The following ORC5 variants were observed in gnomAD, a reference collection of about 807,000 sequenced individuals.
ORC5 encodes origin recognition complex subunit 5, also known as protein phosphatase 1, regulatory subunit 117.
In ORC5, 39 loss-of-function variants were observed where a neutral mutation model predicts 58.8. The ratio of observed to expected loss-of-function variants is 0.66; its 90% CI spans 0.51 to 0.87. ORC5 has a LOEUF of 0.87. ORC5 is among the 40% of genes least tolerant of loss of function. The pLI is 0.00. For synonymous variants in ORC5, 218 were observed against 177.6 expected, an observed-to-expected ratio of 1.23 and a Z score of -1.81; for missense variants, 493 against 506.3, an observed-to-expected ratio of 0.97 and a Z score of 0.25.
intron 4 of ORC5, among the ~76,000 whole-genome samples, chr7:104,196,315 G>A (rs557685863): frequency 1.1e-3 from 167 of 152,184 alleles, no homozygotes; most frequent in African/African-American, 3.8e-3. Flanking sequence ...ATGAGTATGC[G>A]AAAACCCACA....
intron 8 of ORC5, among the ~76,000 whole-genome samples, chr7:104,182,461 T>A (rs1169925753): frequency 6.6e-6 from 1 of 152,092 alleles, no homozygotes; most frequent in African/African-American, 2.4e-5. Flanking sequence ...ACCTAAAAGA[T>A]TCTTTAGTCC....
rs965403836 is a variant in ORC5, at chr7:104,166,838, G to A, written c.924C>T (p.Phe308=). The change falls in exon 10 of 14, where the codon TTC becomes TTT. Residue 308 remains phenylalanine, a synonymous_variant. Transcript: ENST00000297431. ...AAGCAAGGTATGCAGCAATTAGAAT[G>A]AACTTAGAGTAATATGGAAGTTCCA... ...THVELPYYSK[F]ILIAAYLASY... is the part of the protein sequence containing the mutation. 4 of 1,612,784 alleles carry A rather than the reference G, an allele frequency of 2.5e-6. No homozygotes were observed. The highest frequency in any genetic ancestry group is 3.4e-6 in the Non-Finnish European group (4 of 1,179,042).
chr7:104,204,325 G>T, intron 1 of ORC5, 91 bp from the exon 2 acceptor site: 1 of 749,152 alleles, frequency 1.3e-6, no homozygotes, highest in Non-Finnish European at 2.3e-6. Flanking sequence ...GTGGAAAAGT[G>T]AAATATTCAA....
chr7:104,198,339 G>A (rs531475224), intron 3 of ORC5, among the ~76,000 whole-genome samples: 1 of 152,360 alleles, frequency 6.6e-6, no homozygotes, highest in South Asian at 2.1e-4. Context: ...AATGTTGATA[G>A]TGATATGGAC....
At chr7:104,165,985 G>T (rs1464336156) in intron 10 of ORC5, among the ~76,000 whole-genome samples, 1 of 151,996 alleles carries the variant, frequency 6.6e-6, no homozygotes, top group Non-Finnish European at 1.5e-5. Flanking sequence ...AGTGAGCCAA[G>T]ATCACACCAC....
chr7:104,145,630 T>G (rs547178768), intron 12 of ORC5, among the ~76,000 whole-genome samples: 1 of 151,930 alleles, frequency 6.6e-6, no homozygotes, highest in South Asian at 2.1e-4. Flanking sequence ...ACAGGATGCA[T>G]AGATTCATAT....
intron 8 of ORC5, among the ~76,000 whole-genome samples, chr7:104,183,224 C>G (rs1461484443): frequency 2.7e-5 from 4 of 150,612 alleles, no homozygotes; most frequent in Non-Finnish European, 4.4e-5. Context: ...ATGGAACACA[C>G]AAAATTAACT....
At chr7:104,154,059 A>C (rs562952925) in intron 12 of ORC5, among the ~76,000 whole-genome samples, 1 of 152,234 alleles carries the variant, frequency 6.6e-6, no homozygotes, top group African/African-American at 2.4e-5. Context: ...ATGTATATTA[A>C]AAAAGGACAT....
At chr7:104,137,702 G>A (rs940113227) in intron 12 of ORC5, among the ~76,000 whole-genome samples, 7 of 151,898 alleles carry the variant, frequency 4.6e-5, no homozygotes, top group Admixed American at 6.6e-5. Context: ...GGCCACCTAC[G>A]GTGGGACAAC....
intron 8 of ORC5, among the ~76,000 whole-genome samples, chr7:104,179,259 A>C (rs1037693809): frequency 5.9e-5 from 9 of 152,162 alleles, no homozygotes; most frequent in African/African-American, 1.9e-4. Context: ...AAAAAAAAGG[A>C]TAAATTTGAG....
intron 2 of ORC5, among the ~76,000 whole-genome samples, chr7:104,203,826 C>A (rs1800006159): frequency 6.6e-6 from 1 of 151,918 alleles, no homozygotes; most frequent in Admixed American, 6.6e-5. Flanking sequence ...GGAAAAAAAA[C>A]AATGGTAAAT....
chr7:104,152,674 A>G (rs1798865259), intron 12 of ORC5, among the ~76,000 whole-genome samples: 1 of 152,180 alleles, frequency 6.6e-6, no homozygotes, highest in South Asian at 2.1e-4. Flanking sequence ...TTGTCAGCTA[A>G]AAATCTGCCA....
intron 2 of ORC5, among the ~76,000 whole-genome samples, chr7:104,203,681 T>TA (rs1800002074): frequency 6.6e-6 from 1 of 152,188 alleles, no homozygotes; most frequent in Admixed American, 6.5e-5. Context: ...ACCACTGTGT[T>TA]ATGAAAGATA....
At chr7:104,140,428 T>C (rs1452794135) in intron 12 of ORC5, among the ~76,000 whole-genome samples, 1 of 152,224 alleles carries the variant, frequency 6.6e-6, no homozygotes, top group African/African-American at 2.4e-5. Flanking sequence ...GTCCTTTTAA[T>C]TCGAATGTCC....
At chr7:104,205,215 G>T (rs553209965) in intron 1 of ORC5, among the ~76,000 whole-genome samples, 1 of 148,004 alleles carries the variant, frequency 6.8e-6, no homozygotes, top group South Asian at 2.2e-4. Flanking sequence ...TCAGCCTCCT[G>T]AGTAGCTGGG....
chr7:104,158,135 C>T (rs1798958812), intron 12 of ORC5, among the ~76,000 whole-genome samples: 1 of 152,088 alleles, frequency 6.6e-6, no homozygotes, highest in African/African-American at 2.4e-5. Flanking sequence ...CATTTTTCAT[C>T]TTCTGTGAAC....
intron 8 of ORC5, among the ~76,000 whole-genome samples, chr7:104,172,452 T>C (rs1406838759): frequency 6.6e-6 from 1 of 152,180 alleles, no homozygotes; most frequent in Non-Finnish European, 1.5e-5. Context: ...CTACCAAATT[T>C]TTACCTGAAT....
intron 10 of ORC5, among the ~76,000 whole-genome samples, chr7:104,165,922 C>A (rs1003974390): frequency 6.6e-6 from 1 of 152,004 alleles, no homozygotes; most frequent in African/African-American, 2.4e-5. Context: ...AAAACTTAGC[C>A]AGGCGTGGGG....
At position 104,126,730 on chromosome 7, in the gene ORC5, CT is replaced by C. The variant is rs1798434466; in HGVS notation, c.*117del. ...ATCAGATTCCATGCTGGGCCAGCAC[CT>C]GTTTGGACAAATCCAATAGAGCCAA... On this transcript the variant is annotated 3_prime_UTR_variant, in exon 14 of 14. Transcript: ENST00000297431. 1 of 679,578 alleles carries C rather than the reference CT, an allele frequency of 1.5e-6. No homozygotes were observed. The highest frequency in any genetic ancestry group is 2.5e-6 in the Non-Finnish European group (1 of 394,242). 42.1% of individuals were successfully genotyped at this position (679,578 alleles called of 1,614,324 possible). A position where few individuals can be genotyped will look rare whatever the true frequency, so the allele number is the denominator to read the frequency against.
Sources: allele counts gnomAD v4.1 joint callset (sites outside exome capture counted in the v4.1 genomes callset), GRCh38; gene constraint gnomAD v4.1.1; transcripts MANE v1.5; gene names NCBI Gene and HGNC (gene_info 2026-07-23, HGNC 2026-07-21).